Variants in ANKRD66 observed in about 807,000 individuals in gnomAD.
The protein encoded by ANKRD66 is ankyrin repeat domain 66.
A neutral mutation model predicts 10.9 loss-of-function variants in ANKRD66; 10 were observed. That is an observed-to-expected ratio of 0.91 (90% CI 0.56 to 1.55). The LOEUF is 1.55. Among genes scored for constraint, ANKRD66 ranks in the 40% most tolerant of loss-of-function variants. The pLI, the probability that ANKRD66 is intolerant of heterozygous loss-of-function variation, is 0.00. For missense variants in ANKRD66, 252 were observed against 242.9 expected (o/e 1.04, Z -0.25); for synonymous variants, 85 against 88.4 (o/e 0.96, Z 0.22).
chr6:46,758,896 G>GC lies in ANKRD66; in HGVS notation c.567dup (p.Asn190GlnfsTer53). 7.1e-6 allele frequency: 11 copies of GC among 1,551,184 alleles called. No individual in the cohort carries two copies. The highest frequency in any genetic ancestry group is 8.7e-6 in the Non-Finnish European group (10 of 1,146,748). The stretch of plus-strand genomic sequence containing the variant: ...AAAAGTCGAGGCCCCACCAGGCCCA[G>GC]CAATACCAAGGGGAGGAGAGTATGA... On this transcript the variant is annotated frameshift_variant, in exon 5 of 5. Transcript: ENST00000565422. LOFTEE classifies it high-confidence loss of function.
chr6:46,749,024 C>T (rs537479972), intron 1 of ANKRD66, among the ~76,000 whole-genome samples: 6 of 152,222 alleles, frequency 3.9e-5, no homozygotes, highest in Non-Finnish European at 7.3e-5. Context: ...TGGCTCACCC[C>T]ACTTTCGTAG....
At chr6:46,751,484 C>CA (rs1013666033) in intron 2 of ANKRD66, among the ~76,000 whole-genome samples, 1 of 152,054 alleles carries the variant, frequency 6.6e-6, no homozygotes, top group Non-Finnish European at 1.5e-5. Context: ...GCTCTGTATC[C>CA]AATATAATTT....
intron 2 of ANKRD66, among the ~76,000 whole-genome samples, chr6:46,750,475 A>C (rs1295629499): frequency 6.6e-6 from 1 of 151,924 alleles, no homozygotes; most frequent in African/African-American, 2.4e-5. Context: ...ACTTAATAGA[A>C]GACAGCTGGA....
intron 4 of ANKRD66, chr6:46,758,378 T>C (rs1216267510): frequency 5.5e-6 from 1 of 182,856 alleles, no homozygotes; most frequent in Admixed American, 6.0e-5. Context: ...ATCACTTTTA[T>C]GATTATGAAA....
At chr6:46,758,635 G>T in intron 4 of ANKRD66, 88 bp from the exon 5 acceptor site, 1 of 1,288,216 alleles carries the variant, frequency 7.8e-7, no homozygotes, top group East Asian at 2.5e-5. Flanking sequence ...CTGAACTGCG[G>T]TGTGCAGAAC....
rs1582605768 is a variant in ANKRD66 at position 46,752,040 on chromosome 6, G to A, written c.92G>A (p.Gly31Asp). The stretch of plus-strand genomic sequence containing the variant: ...TTAGTGAAGAAGATTTTGAAGAAAG[G>A]TCTCTGTGACCCAAACTACAAAGAT... Reference protein sequence around the residue: ...YSLVKKILKKGLCDPNYKDVD... With the variant: ...YSLVKKILKKDLCDPNYKDVD... Residue 31 changes from glycine (G) to aspartate (D), a missense_variant, in exon 3 of 5, where the codon GGT becomes GAT. Gly to Asp is a moderately conservative substitution (Grantham distance 94). Transcript: ENST00000565422. The A allele has an allele frequency of 6.5e-7, 1 of 1,538,270 alleles. No individual in the cohort carries two copies.
chr6:46,747,000 T>C lies in ANKRD66; in HGVS notation c.-97+10T>C, dbSNP rs1766157312. 1.3e-6 allele frequency: 2 copies of C among 1,535,090 alleles called. No homozygotes were observed. Among genetic ancestry groups the C allele is most frequent in the African/African-American group, 2.7e-5 (2 of 73,026 alleles). ...AATTTCACACAAGACAGTAAGTGTT[T>C]TTAAGTTACCCTCTCTTATTTACTA... is the stretch of plus-strand genomic sequence containing the variant. On this transcript the variant is annotated intron_variant, in intron 1 of 4. Coordinates refer to ENST00000565422, the MANE Select transcript of ANKRD66 (RefSeq NM_001162435.3).
In ANKRD66 at chr6:46,753,718, T is replaced by G. The variant is rs997056480; in HGVS notation, c.164-4T>G. ...TCATCCTGTTTCTTTTTGGTACATC[T>G]AAGGGCAAATGGAGGTGATACGGCT... On this transcript the variant is annotated splice_region_variant and splice_polypyrimidine_tract_variant and intron_variant, in intron 3 of 4. Coordinates refer to ENST00000565422, the MANE Select transcript of ANKRD66 (RefSeq NM_001162435.3). 6.5e-7 allele frequency: 1 copy of G among 1,544,216 alleles called. No individual in the cohort carries two copies. The highest frequency in any genetic ancestry group is 8.7e-7 in the Non-Finnish European group (1 of 1,143,418).
intron 4 of ANKRD66, chr6:46,756,640 T>C (rs1766391494): frequency 6.6e-6 from 1 of 152,334 alleles, no homozygotes; most frequent in African/African-American, 2.4e-5. Flanking sequence ...TCACCCACGC[T>C]TCAGACTTCT....
chr6:46,757,468 G>T (rs1038871145), intron 4 of ANKRD66: 4 of 152,072 alleles, frequency 2.6e-5, no homozygotes, highest in Admixed American at 1.3e-4. Context: ...GCTCATCAGG[G>T]GAGTCACAAG....
At position 46,750,017 on chromosome 6, in the gene ANKRD66, A is replaced by G. The variant is rs986085831; in HGVS notation, c.-13+38A>G. On this transcript the variant is annotated intron_variant, in intron 2 of 4. Coordinates refer to ENST00000565422, the MANE Select transcript of ANKRD66 (RefSeq NM_001162435.3). ...CTGAGCACAATAATTTGCATTTCTA[A>G]CAAGTTCCCAGGGGCTGCTGCTGCT... The G allele has an allele frequency of 3.5e-6, 4 of 1,136,748 alleles. No individual in the cohort carries two copies. In the African/African-American group the frequency reaches 6.2e-5, roughly 18 times the overall value. The allele number at this position is 1,136,748 out of a possible 1,614,324, so 70.4% of individuals were successfully genotyped here.
At chr6:46,748,697 T>C (rs1766195853) in intron 1 of ANKRD66, among the ~76,000 whole-genome samples, 1 of 152,222 alleles carries the variant, frequency 6.6e-6, no homozygotes. Flanking sequence ...CCTTTTGGAC[T>C]GAGGCCCAGG....
intron 4 of ANKRD66, chr6:46,758,490 G>T (rs1176959458): frequency 1.8e-5 from 7 of 388,852 alleles, no homozygotes; most frequent in Non-Finnish European, 2.3e-5. Flanking sequence ...CAAGCTGAGT[G>T]ACTATCTTTG....
At position 46,759,055 on chromosome 6, in the gene ANKRD66, G is replaced by A; in HGVS notation, c.*134G>A. On this transcript the variant is annotated 3_prime_UTR_variant, in exon 5 of 5. Transcript: ENST00000565422. ...GCTTCTGCCCATGGACCTGTCATTA[G>A]GTGCTGTCCACATGGGCTGTTGTTT... is the stretch of plus-strand genomic sequence containing the variant. The A allele has an allele frequency of 1.2e-6, 1 of 811,416 alleles. No homozygotes were observed. The highest frequency in any genetic ancestry group is 1.9e-6 in the Non-Finnish European group (1 of 535,260). The allele number at this position is 811,416 out of a possible 1,614,324, so 50.3% of individuals were successfully genotyped here.
At chr6:46,754,072 C>T (rs1446716944) in intron 4 of ANKRD66, 122 bp downstream of exon 4, 23 of 842,774 alleles carry the variant, frequency 2.7e-5, no homozygotes, top group Non-Finnish European at 2.4e-5. Flanking sequence ...AGCCAATGGA[C>T]TATTATTTTT....
Position 46,749,958 on chromosome 6 carries a change from C to T in ANKRD66, c.-34C>T, listed in dbSNP as rs1766232765. On this transcript the variant is annotated 5_prime_UTR_variant, in exon 2 of 5. Coordinates refer to ENST00000565422, the MANE Select transcript of ANKRD66 (RefSeq NM_001162435.3). ...TTACCACAACAAAGATGGCCGGACC[C>T]CTGCCCAGAGTTTCAGATTCTGTAA... The T allele has an allele frequency of 6.6e-7, 1 of 1,512,468 alleles. No individual in the cohort carries two copies. The highest frequency in any genetic ancestry group is 1.4e-5 in the African/African-American group (1 of 72,140). 93.7% of individuals were successfully genotyped at this position (1,512,468 alleles called of 1,614,324 possible). A position where few individuals can be genotyped will look rare whatever the true frequency, so the allele number is the denominator to read the frequency against.
At chr6:46,756,759 T>C (rs897264131) in intron 4 of ANKRD66, 1 of 152,226 alleles carries the variant, frequency 6.6e-6, no homozygotes, top group Non-Finnish European at 1.5e-5. Flanking sequence ...TAATTCGGTA[T>C]TTAATATTCC....
chr6:46,752,677 T>C (rs758698242), intron 3 of ANKRD66, among the ~76,000 whole-genome samples: 3 of 152,232 alleles, frequency 2.0e-5, no homozygotes, highest in Non-Finnish European at 2.9e-5. Context: ...GGGAATTCAG[T>C]AATATAATGA....
At chr6:46,754,085 T>C in intron 4 of ANKRD66, 135 bp downstream of exon 4, 1 of 804,550 alleles carries the variant, frequency 1.2e-6, no homozygotes, top group Non-Finnish European at 1.8e-6. Context: ...TTATTTTTAT[T>C]GATTTTTTTA....
Sources: allele counts gnomAD v4.1 joint callset (sites outside exome capture counted in the v4.1 genomes callset), GRCh38; gene constraint gnomAD v4.1.1; transcripts MANE v1.5; gene names NCBI Gene and HGNC (gene_info 2026-07-23, HGNC 2026-07-21).